GOLGA1: variants seen among roughly 807,000 people sequenced by gnomAD.
GOLGA1 encodes golgin A1.
GOLGA1 carries 63 observed loss-of-function variants against 119.7 expected under a neutral mutation model. That is an observed-to-expected ratio of 0.53 (90% CI 0.43 to 0.65). The LOEUF is 0.65. Among genes scored for constraint, GOLGA1 ranks in the 30% least tolerant of loss-of-function variants. The pLI, the probability that GOLGA1 is intolerant of heterozygous loss-of-function variation, is 0.00. For synonymous variants in GOLGA1, 318 were observed against 333.4 expected (o/e 0.95, Z 0.50); for missense variants, 798 against 912.8 (o/e 0.87, Z 1.62).
chr9:124,907,202 A>C (rs547641393), intron 12 of GOLGA1, among the ~76,000 whole-genome samples: 1 of 152,330 alleles, frequency 6.6e-6, no homozygotes, highest in Non-Finnish European at 1.5e-5. Context: ...CCATGTGCAG[A>C]CAGAAACAAT....
chr9:124,937,313 G>A (rs765542734), intron 3 of GOLGA1, among the ~76,000 whole-genome samples: 13 of 152,076 alleles, frequency 8.5e-5, no homozygotes, highest in African/African-American at 2.9e-4. Flanking sequence ...TTAGCTGGAC[G>A]TGGTGGCGGG....
intron 9 of GOLGA1, among the ~76,000 whole-genome samples, chr9:124,921,505 C>T (rs1249695456): frequency 6.6e-6 from 1 of 152,154 alleles, no homozygotes; most frequent in Non-Finnish European, 1.5e-5. Flanking sequence ...CTGAATTGTT[C>T]AGCAGGGTGG....
chr9:124,940,590 T>C (rs924752911), intron 1 of GOLGA1, among the ~76,000 whole-genome samples: 9 of 151,882 alleles, frequency 5.9e-5, no homozygotes, highest in African/African-American at 2.2e-4. Flanking sequence ...GACAGATGTC[T>C]AACCCCCAGG....
At chr9:124,900,323 C>A (rs1830075913) in intron 13 of GOLGA1, 129 bp downstream of exon 13, 1 of 595,600 alleles carries the variant, frequency 1.7e-6, no homozygotes, top group Non-Finnish European at 3.1e-6. Flanking sequence ...TCACATCCAG[C>A]ACAAGAACTG....
At chr9:124,945,663 G>A (rs1205742922), upstream of GOLGA1, 11 of 152,112 alleles carry the variant, frequency 7.2e-5, no homozygotes. Flanking sequence ...ACTTAATACA[G>A]TTCTCTTTAT....
intron 7 of GOLGA1, among the ~76,000 whole-genome samples, chr9:124,925,103 C>G (rs1020473147): frequency 6.6e-6 from 1 of 151,742 alleles, no homozygotes; most frequent in Admixed American, 6.6e-5. Context: ...AAAAATTTTC[C>G]CCAACCTCTC....
chr9:124,911,113 T>C (rs1682320888), intron 11 of GOLGA1, among the ~76,000 whole-genome samples: 1 of 152,210 alleles, frequency 6.6e-6, no homozygotes. Context: ...GAGAGTGATA[T>C]GGTCACCAGT....
intron 10 of GOLGA1, among the ~76,000 whole-genome samples, chr9:124,915,771 G>A (rs1397435025): frequency 6.9e-6 from 1 of 144,600 alleles, no homozygotes; most frequent in African/African-American, 2.6e-5. Flanking sequence ...GGCATCAAGA[G>A]CAAAACTCTG....
At chr9:124,923,359 A>G in intron 7 of GOLGA1, 136 bp from the exon 8 acceptor site, 1 of 652,594 alleles carries the variant, frequency 1.5e-6, no homozygotes, top group Non-Finnish European at 2.6e-6. Context: ...CTGGCCTTGA[A>G]CTCCTGGGCT....
intron 12 of GOLGA1, among the ~76,000 whole-genome samples, chr9:124,901,521 A>G (rs137877714): frequency 0.04 from 5,356 of 134,038 alleles, 112 homozygotes; most frequent in Admixed American, 0.062. Context: ...TGTAACCTCC[A>G]CCTCCTGGGT....
intron 7 of GOLGA1, among the ~76,000 whole-genome samples, chr9:124,923,759 T>C (rs965962088): frequency 1.3e-5 from 2 of 152,020 alleles, no homozygotes; most frequent in African/African-American, 2.4e-5. Flanking sequence ...AAAGTGTTGA[T>C]AGATATGAGC....
Position 124,923,124 on chromosome 9 carries a change from G to C in GOLGA1, c.532C>G (p.Gln178Glu), listed in dbSNP as rs780576903. 1 of 1,609,056 alleles carries C rather than the reference G, an allele frequency of 6.2e-7. No individual in the cohort carries two copies. Among genetic ancestry groups the C allele is most frequent in the Non-Finnish European group, 8.5e-7 (1 of 1,176,862 alleles). Residue 178 changes from glutamine (Q) to glutamate (E), a missense_variant, in exon 8 of 23, where the codon CAG becomes GAG. Gln to Glu is a conservative substitution (Grantham distance 29). Coordinates refer to ENST00000373555, the MANE Select transcript of GOLGA1 (RefSeq NM_002077.4). ...TGCTTTATTTTACTTAGTTCCTGCTGCTGGAACCCCTCTAATTCATCCATT... is the reference window on the plus strand; with the variant it reads ...TGCTTTATTTTACTTAGTTCCTGCTCCTGGAACCCCTCTAATTCATCCATT... ...DEMDELEGFQ[Q>E]QELSKIKHML...
At position 124,889,518 on chromosome 9, in the gene GOLGA1, T is replaced by C. The variant is rs901527433; in HGVS notation, c.1516A>G (p.Ile506Val). ...FQQQAANLTA[I>V]IDEKEQNLRE... is the part of the protein sequence containing the mutation. ...AGATTCTGTTCCTTCTCGTCTATTA[T>C]GGCTGTCAGGTTAGCTGCCTTGGAG... Residue 506 changes from isoleucine to valine, a missense_variant, in exon 17 of 23, where the codon ATA becomes GTA. Physicochemically the swap from Ile to Val is conservative, Grantham distance 29. Transcript: ENST00000373555. 6 of 1,612,968 alleles carry C rather than the reference T, an allele frequency of 3.7e-6. No individual in the cohort carries two copies. Among genetic ancestry groups the C allele is most frequent in the African/African-American group, 2.7e-5 (2 of 75,016 alleles).
At chr9:124,883,178 C>G (rs943251703) in intron 19 of GOLGA1, among the ~76,000 whole-genome samples, 2 of 151,870 alleles carry the variant, frequency 1.3e-5, no homozygotes, top group African/African-American at 2.4e-5. Context: ...CAGCTCACTG[C>G]AACCTCCGCC....
upstream of GOLGA1, chr9:124,946,032 T>C (rs1831140008): frequency 6.6e-6 from 1 of 152,182 alleles, no homozygotes. This position sits in a 1 kb window ranked among gnomAD's most constrained non-coding sequence, Gnocchi z 4.0. Context: ...ACGGTTGGGG[T>C]CAGAGGTCAC....
In GOLGA1 at chr9:124,889,319, G is replaced by C. The variant is rs773074070; in HGVS notation, c.1601-16C>G. ...GAGTTGTGACCTAGGTCGGGGAGGA[G>C]GGGAGGGGGCACTGTGAGCCCAGTG... On this transcript the variant is annotated splice_polypyrimidine_tract_variant and intron_variant, in intron 17 of 22. Coordinates refer to ENST00000373555, the MANE Select transcript of GOLGA1 (RefSeq NM_002077.4). The C allele has an allele frequency of 1.1e-5, 17 of 1,612,012 alleles. No homozygotes were observed. The East Asian group carries it at 1.8e-4, about 17-fold the overall frequency.
At chr9:124,921,679 A>C in intron 9 of GOLGA1, 44 bp downstream of exon 9, 1 of 1,493,186 alleles carries the variant, frequency 6.7e-7, no homozygotes, top group East Asian at 2.3e-5. Flanking sequence ...AGCCAGAACT[A>C]CACTAACACC....
At chr9:124,921,696 C>T (rs772403148) in intron 9 of GOLGA1, 27 bp downstream of exon 9, 2 of 1,583,788 alleles carry the variant, frequency 1.3e-6, no homozygotes, top group South Asian at 1.1e-5. Flanking sequence ...CACCTCTTCC[C>T]AAGGGCCCCA....
intron 11 of GOLGA1, among the ~76,000 whole-genome samples, chr9:124,911,154 C>A (rs1456962386): frequency 6.6e-6 from 1 of 152,126 alleles, no homozygotes; most frequent in African/African-American, 2.4e-5. Flanking sequence ...TGGCAGTGAG[C>A]GTGGGAGACT....
Sources: allele counts gnomAD v4.1 joint callset (sites outside exome capture counted in the v4.1 genomes callset), GRCh38; gene constraint gnomAD v4.1.1; non-coding constraint Gnocchi (gnomAD v3.1); transcripts MANE v1.5; gene names NCBI Gene and HGNC (gene_info 2026-07-23, HGNC 2026-07-21).